The following KIAA0825 variants were observed in gnomAD, a reference collection of about 807,000 sequenced individuals.
KIAA0825 encodes the protein uncharacterized protein KIAA0825.
Under a neutral mutation model 147.6 loss-of-function variants are expected in KIAA0825, and 119 were observed. The ratio of observed to expected loss-of-function variants is 0.81; its 90% CI spans 0.69 to 0.94. The LOEUF is 0.94. Among genes scored for constraint, KIAA0825 ranks in the 40% least tolerant of loss-of-function variants. The pLI is 0.00. For missense variants in KIAA0825, 1,381 were observed against 1,472.7 expected (o/e 0.94, Z 1.02); for synonymous variants, 470 against 518.1 (o/e 0.91, Z 1.26).
At chr5:94,334,414 A>G (rs991305560) in intron 20 of KIAA0825, among the ~76,000 whole-genome samples, 2 of 152,260 alleles carry the variant, frequency 1.3e-5, no homozygotes, top group African/African-American at 2.4e-5. Context: ...CTTCCAATAA[A>G]CAAATTTCCT....
At chr5:94,589,728 G>A (rs1047826259) in intron 1 of KIAA0825, among the ~76,000 whole-genome samples, 8 of 151,278 alleles carry the variant, frequency 5.3e-5, no homozygotes, top group African/African-American at 1.9e-4. Flanking sequence ...AGGTTGATGT[G>A]TTCATCCAGG....
chr5:94,386,612 T>A (rs931284548), intron 18 of KIAA0825, among the ~76,000 whole-genome samples: 1 of 152,194 alleles, frequency 6.6e-6, no homozygotes, highest in African/African-American at 2.4e-5. Flanking sequence ...GTTTACCTAA[T>A]ATTTAGTATA....
At chr5:94,243,530 A>G (rs1403075166) in intron 20 of KIAA0825, among the ~76,000 whole-genome samples, 1 of 152,250 alleles carries the variant, frequency 6.6e-6, no homozygotes, top group African/African-American at 2.4e-5. Flanking sequence ...CAAGACCTCC[A>G]TAAGTGTAGC....
intron 20 of KIAA0825, among the ~76,000 whole-genome samples, chr5:94,294,940 G>T (rs575205124): frequency 3.9e-5 from 6 of 151,966 alleles, no homozygotes; most frequent in Non-Finnish European, 7.4e-5. Flanking sequence ...TGGTGTTCTC[G>T]TATTTCCTTA....
At chr5:94,489,013 G>A (rs1056065345) in intron 5 of KIAA0825, among the ~76,000 whole-genome samples, 31 of 152,174 alleles carry the variant, frequency 2.0e-4, no homozygotes. Context: ...TACAACTTGA[G>A]TATTTATATC....
intron 20 of KIAA0825, among the ~76,000 whole-genome samples, chr5:94,211,447 G>A (rs1379021093): frequency 6.6e-6 from 1 of 152,050 alleles, no homozygotes; most frequent in East Asian, 1.9e-4. Context: ...CACCCCTTTG[G>A]TATCTGGATT....
chr5:94,365,143 C>T (rs1016322706), intron 20 of KIAA0825, among the ~76,000 whole-genome samples: 2 of 152,146 alleles, frequency 1.3e-5, no homozygotes, highest in Admixed American at 1.3e-4. Context: ...GTCTGTAAAT[C>T]CGGTGCACTC....
intron 3 of KIAA0825, among the ~76,000 whole-genome samples, chr5:94,531,528 A>G (rs1169357623): frequency 6.6e-6 from 1 of 152,212 alleles, no homozygotes; most frequent in Non-Finnish European, 1.5e-5. Flanking sequence ...GCGCTGCTGA[A>G]GCCCAGGATG....
At chr5:94,605,615 T>C (rs1269797206) in intron 1 of KIAA0825, among the ~76,000 whole-genome samples, 3 of 152,096 alleles carry the variant, frequency 2.0e-5, no homozygotes, top group African/African-American at 7.2e-5. Flanking sequence ...TTCAACATAC[T>C]CAACTCAATA....
chr5:94,226,641 A>G (rs1036535917), intron 20 of KIAA0825, among the ~76,000 whole-genome samples: 1 of 152,180 alleles, frequency 6.6e-6, no homozygotes, highest in African/African-American at 2.4e-5. Flanking sequence ...GATAGAGTGG[A>G]TTAAGAAAAT....
chr5:94,324,189 A>C (rs1483397174), intron 20 of KIAA0825, among the ~76,000 whole-genome samples: 1 of 152,026 alleles, frequency 6.6e-6, no homozygotes, highest in Non-Finnish European at 1.5e-5. Context: ...AGAGACTGTC[A>C]AGGGTGTGAG....
At chr5:94,477,768 G>A (rs544475126) in intron 6 of KIAA0825, among the ~76,000 whole-genome samples, 11 of 151,870 alleles carry the variant, frequency 7.2e-5, no homozygotes, top group East Asian at 1.9e-4. Flanking sequence ...CCCTAGTTCC[G>A]AAAATGGAAA....
At chr5:94,414,154 C>T (rs975311920) in intron 15 of KIAA0825, 1 of 151,868 alleles carries the variant, frequency 6.6e-6, no homozygotes, top group African/African-American at 2.4e-5. Flanking sequence ...ACTTTTTTCC[C>T]AAAGGTTGGG....
intron 13 of KIAA0825, among the ~76,000 whole-genome samples, chr5:94,444,235 T>A (rs1027895023): frequency 1.3e-4 from 20 of 152,082 alleles, no homozygotes; most frequent in African/African-American, 4.8e-4. Context: ...TATACACACC[T>A]CTACCAGGGG....
At chr5:94,559,884 C>T (rs952352662) in intron 2 of KIAA0825, among the ~76,000 whole-genome samples, 1 of 152,068 alleles carries the variant, frequency 6.6e-6, no homozygotes, top group Admixed American at 6.6e-5. Context: ...GTCAGAAGGC[C>T]GGGAAACAGA....
At chr5:94,162,161 A>G (rs999631360) in intron 20 of KIAA0825, among the ~76,000 whole-genome samples, 6 of 152,218 alleles carry the variant, frequency 3.9e-5, no homozygotes, top group African/African-American at 1.4e-4. Flanking sequence ...TAAAGAATCT[A>G]TAGGTTACTT....
At chr5:94,533,260 G>A (rs1029558758) in intron 3 of KIAA0825, among the ~76,000 whole-genome samples, 3 of 149,860 alleles carry the variant, frequency 2.0e-5, no homozygotes, top group Non-Finnish European at 3.0e-5. Context: ...TTACAGGCAT[G>A]AGCCACTGTG....
At chr5:94,561,251 T>A (rs1777505992) in intron 2 of KIAA0825, among the ~76,000 whole-genome samples, 1 of 152,248 alleles carries the variant, frequency 6.6e-6, no homozygotes, top group Non-Finnish European at 1.5e-5. Context: ...CTTGAGAGGA[T>A]GGCACACCCA....
chr5:94,356,391 A>G (rs1784255352), intron 20 of KIAA0825, among the ~76,000 whole-genome samples: 1 of 151,894 alleles, frequency 6.6e-6, no homozygotes, highest in Admixed American at 6.6e-5. Context: ...GCGGATCACG[A>G]GGTCAGGAGA....
Sources: allele counts gnomAD v4.1 joint callset (sites outside exome capture counted in the v4.1 genomes callset), GRCh38; gene constraint gnomAD v4.1.1; transcripts MANE v1.5; gene names NCBI Gene and HGNC (gene_info 2026-07-23, HGNC 2026-07-21).